PAPSS1: variants seen among roughly 807,000 people sequenced by gnomAD.
PAPSS1 encodes the protein bifunctional 3'-phosphoadenosine 5'-phosphosulfate synthase 1.
A neutral mutation model predicts 72.0 loss-of-function variants in PAPSS1; 50 were observed. The observed-to-expected ratio is 0.69, with a 90% CI of 0.55 to 0.88. PAPSS1 has a LOEUF of 0.88. Among genes scored for constraint, PAPSS1 ranks in the 40% least tolerant of loss-of-function variants. The pLI, the probability that PAPSS1 is intolerant of heterozygous loss-of-function variation, is 0.00. For synonymous variants in PAPSS1, 261 were observed against 263.6 expected (o/e 0.99, Z 0.09); for missense variants, 657 against 782.2 (o/e 0.84, Z 1.91).
intron 11 of PAPSS1, among the ~76,000 whole-genome samples, chr4:107,630,820 C>T (rs1241495359): frequency 6.6e-6 from 1 of 152,142 alleles, no homozygotes; most frequent in Non-Finnish European, 1.5e-5. Flanking sequence ...TCTAGATACT[C>T]ACCTACAAAA....
chr4:107,710,708 C>T, intron 1 of PAPSS1, among the ~76,000 whole-genome samples: 1 of 152,190 alleles, frequency 6.6e-6, no homozygotes, highest in East Asian at 1.9e-4. Flanking sequence ...GCTCTCCGTT[C>T]AGGGTCAACA....
At chr4:107,658,104 C>A (rs1225963710) in intron 6 of PAPSS1, among the ~76,000 whole-genome samples, 1 of 151,942 alleles carries the variant, frequency 6.6e-6, no homozygotes, top group Non-Finnish European at 1.5e-5. Flanking sequence ...ACAGGAATCA[C>A]CCCACTGGCC....
intron 11 of PAPSS1, among the ~76,000 whole-genome samples, chr4:107,620,125 A>G (rs1027045337): frequency 1.3e-5 from 2 of 152,224 alleles, no homozygotes; most frequent in African/African-American, 2.4e-5. Flanking sequence ...ATATCTTTTG[A>G]AGGTTCATAT....
chr4:107,699,024 G>A (rs1024709749), intron 2 of PAPSS1, among the ~76,000 whole-genome samples: 1 of 152,024 alleles, frequency 6.6e-6, no homozygotes, highest in African/African-American at 2.4e-5. Flanking sequence ...GGTGATGACT[G>A]AAAACTTATT....
chr4:107,672,891 T>C (rs1173030089), intron 5 of PAPSS1, among the ~76,000 whole-genome samples: 4 of 152,146 alleles, frequency 2.6e-5, no homozygotes, highest in Non-Finnish European at 4.4e-5. Flanking sequence ...GGCAGCAACA[T>C]TTACTGCTCA....
intron 11 of PAPSS1, among the ~76,000 whole-genome samples, chr4:107,624,724 C>A (rs1726050196): frequency 6.6e-6 from 1 of 152,050 alleles, no homozygotes; most frequent in African/African-American, 2.4e-5. Context: ...TGAAGCAACT[C>A]CCCACTATAA....
intron 3 of PAPSS1, among the ~76,000 whole-genome samples, chr4:107,690,481 T>C (rs1438214151): frequency 2.6e-5 from 4 of 152,206 alleles, no homozygotes; most frequent in African/African-American, 9.6e-5. Context: ...ACCTTTCACA[T>C]ATATGTACTT....
chr4:107,659,066 T>A (rs1165665408), intron 6 of PAPSS1, among the ~76,000 whole-genome samples: 1 of 152,242 alleles, frequency 6.6e-6, no homozygotes, highest in Non-Finnish European at 1.5e-5. Context: ...ATTCACTCCA[T>A]GCAGTCTGTA....
intron 5 of PAPSS1, among the ~76,000 whole-genome samples, chr4:107,670,710 T>A (rs956654587): frequency 2.0e-5 from 3 of 152,040 alleles, no homozygotes; most frequent in African/African-American, 4.8e-5. Flanking sequence ...TTAAAAAAAA[T>A]TTTTGGAGAC....
At position 107,665,769 on chromosome 4, in the gene PAPSS1, CT is replaced by C. The variant is rs1727299591; in HGVS notation, c.670-5698del. The stretch of plus-strand genomic sequence containing the variant: ...ACGGGGTACCCAGAACGTTGTTTGA[CT>C]TTGACAGTCTAACATCTAACATATG... On this transcript the variant is annotated intron_variant, in intron 5 of 11. Coordinates refer to ENST00000265174, the MANE Select transcript of PAPSS1 (RefSeq NM_005443.5). Among the ~76,000 whole-genome samples, 3 of 152,124 alleles carry C rather than the reference CT, an allele frequency of 2.0e-5. No homozygotes were observed. In the South Asian group the frequency reaches 6.2e-4, roughly 32 times the overall value.
intron 11 of PAPSS1, among the ~76,000 whole-genome samples, chr4:107,623,853 T>G (rs559920278): frequency 1.3e-5 from 2 of 152,240 alleles, no homozygotes; most frequent in Non-Finnish European, 2.9e-5. Flanking sequence ...CTTACTGGTT[T>G]TGGCCTCACA....
At chr4:107,629,902 C>T (rs1726187907) in intron 11 of PAPSS1, among the ~76,000 whole-genome samples, 1 of 152,192 alleles carries the variant, frequency 6.6e-6, no homozygotes, top group Non-Finnish European at 1.5e-5. Flanking sequence ...CATGGCAATG[C>T]TCCTGCTCAT....
intron 11 of PAPSS1, among the ~76,000 whole-genome samples, chr4:107,631,261 T>C (rs1454137550): frequency 6.6e-6 from 1 of 152,192 alleles, no homozygotes; most frequent in Non-Finnish European, 1.5e-5. Context: ...GCCTGTCACA[T>C]AGTGATTGCA....
chr4:107,680,143 A>G (rs1727764433), intron 5 of PAPSS1, among the ~76,000 whole-genome samples: 1 of 152,146 alleles, frequency 6.6e-6, no homozygotes, highest in African/African-American at 2.4e-5. Flanking sequence ...CAAAAGAAAT[A>G]TTTCACATGA....
At chr4:107,694,168 A>G (rs535545365) in intron 2 of PAPSS1, 162 bp from the exon 3 acceptor site, 22 of 588,288 alleles carry the variant, frequency 3.7e-5, no homozygotes, top group Admixed American at 6.2e-5. Flanking sequence ...GACTCAAGAG[A>G]TCATGCCTCA....
intron 1 of PAPSS1, among the ~76,000 whole-genome samples, chr4:107,707,058 A>G (rs1015786658): frequency 6.6e-6 from 1 of 152,198 alleles, no homozygotes; most frequent in South Asian, 2.1e-4. Flanking sequence ...GCCTGGGTCA[A>G]TGGGAGCTGG....
At chr4:107,620,089 T>G (rs576399325) in intron 11 of PAPSS1, among the ~76,000 whole-genome samples, 1 of 152,224 alleles carries the variant, frequency 6.6e-6, no homozygotes, top group Non-Finnish European at 1.5e-5. Flanking sequence ...GGACAAGAGC[T>G]GGGGTCAGCA....
At chr4:107,670,928 T>G (rs746343969) in intron 5 of PAPSS1, among the ~76,000 whole-genome samples, 2 of 152,164 alleles carry the variant, frequency 1.3e-5, no homozygotes, top group Admixed American at 6.5e-5. Flanking sequence ...TAGACTACAC[T>G]TTAGAAAGAT....
chr4:107,717,547 T>C (rs779528511), intron 1 of PAPSS1, among the ~76,000 whole-genome samples: 1 of 152,192 alleles, frequency 6.6e-6, no homozygotes, highest in African/African-American at 2.4e-5. Context: ...AGTTAATAAA[T>C]AGTGGAGTCC....
Sources: allele counts gnomAD v4.1 joint callset (sites outside exome capture counted in the v4.1 genomes callset), GRCh38; gene constraint gnomAD v4.1.1; transcripts MANE v1.5; gene names NCBI Gene and HGNC (gene_info 2026-07-23, HGNC 2026-07-21).